The following EXT1 variants were observed in gnomAD, a reference collection of about 807,000 sequenced individuals.
The protein encoded by EXT1 is exostosin glycosyltransferase 1, also known as exostosin-1.
A neutral mutation model predicts 82.5 loss-of-function variants in EXT1; 20 were observed. That is an observed-to-expected ratio of 0.24 (90% CI 0.17 to 0.35). The LOEUF (loss-of-function observed/expected upper bound fraction) is 0.35, where lower values mean the gene tolerates loss of function less well. Ranked by LOEUF, EXT1 falls within the 10% of genes least tolerant of loss-of-function variation. EXT1 has a pLI of 1.00. For synonymous variants in EXT1, 348 were observed against 350.8 expected (o/e 0.99, Z 0.09); for missense variants, 757 against 936.5 (o/e 0.81, Z 2.50).
At chr8:117,892,358 C>T (rs1194912167) in intron 1 of EXT1, among the ~76,000 whole-genome samples, 2 of 152,238 alleles carry the variant, frequency 1.3e-5, no homozygotes, top group African/African-American at 2.4e-5. Context: ...GGATTCTTGC[C>T]AGCAAAAGCC....
intron 1 of EXT1, among the ~76,000 whole-genome samples, chr8:117,902,202 T>C (rs987530773): frequency 2.0e-5 from 3 of 151,988 alleles, no homozygotes; most frequent in East Asian, 1.9e-4. Flanking sequence ...CAACAATGCC[T>C]TCTTCTGAAA....
intron 1 of EXT1, among the ~76,000 whole-genome samples, chr8:117,972,099 G>A (rs1212269052): frequency 6.7e-6 from 1 of 148,672 alleles, no homozygotes; most frequent in Non-Finnish European, 1.5e-5. Flanking sequence ...GCGGTGAGCC[G>A]AGATTGTGCC....
intron 1 of EXT1, among the ~76,000 whole-genome samples, chr8:117,839,855 C>A (rs1247035122): frequency 6.6e-6 from 1 of 152,192 alleles, no homozygotes; most frequent in Non-Finnish European, 1.5e-5. Flanking sequence ...CCCATTTCAA[C>A]AGATAGAGTC....
At chr8:117,823,464 A>G (rs1232198097) in intron 4 of EXT1, among the ~76,000 whole-genome samples, 1 of 152,032 alleles carries the variant, frequency 6.6e-6, no homozygotes, top group Non-Finnish European at 1.5e-5. Flanking sequence ...CAAATAATTA[A>G]CTTGGTACAG....
chr8:118,036,679 T>A (rs1489285603), intron 1 of EXT1, among the ~76,000 whole-genome samples: 2 of 152,152 alleles, frequency 1.3e-5, no homozygotes, highest in East Asian at 3.9e-4. Context: ...ATGTACACAT[T>A]TAGTAAGGTC....
intron 1 of EXT1, among the ~76,000 whole-genome samples, chr8:118,083,753 C>T (rs1006067409): frequency 5.3e-5 from 8 of 152,086 alleles, no homozygotes; most frequent in East Asian, 1.9e-4. Context: ...GGAGGCGGGG[C>T]GCAGTAGCTC....
At chr8:117,933,356 C>G (rs759837945) in intron 1 of EXT1, among the ~76,000 whole-genome samples, 21 of 151,840 alleles carry the variant, frequency 1.4e-4, no homozygotes, top group Non-Finnish European at 2.5e-4. Context: ...AAGCAATTCT[C>G]CTGTCTCAGC....
chr8:117,798,252 G>A lies in EXT1; in HGVS notation c.*1460C>T, dbSNP rs1823113110. On this transcript the variant is annotated 3_prime_UTR_variant, in exon 11 of 11. Coordinates refer to ENST00000378204, the MANE Select transcript of EXT1 (RefSeq NM_000127.3). ...AATATGAAATGTATGAGAGTTTGAG[G>A]GAGGGACTCTAAAGTGCTTATTGTT... 1 of 152,116 alleles carries A rather than the reference G, an allele frequency of 6.6e-6. No homozygotes were observed. Among genetic ancestry groups the A allele is most frequent in the South Asian group, 2.1e-4 (1 of 4,826 alleles). The allele number at this position is 152,116 out of a possible 1,614,324, so 9.4% of individuals were successfully genotyped here.
chr8:117,856,850 A>G (rs1331945394), intron 1 of EXT1, among the ~76,000 whole-genome samples: 1 of 152,180 alleles, frequency 6.6e-6, no homozygotes, highest in African/African-American at 2.4e-5. Flanking sequence ...ACAGAAATCA[A>G]TGACTGGTGT....
intron 1 of EXT1, among the ~76,000 whole-genome samples, chr8:118,011,258 TCCAGAATGGAAG>T (rs898626941): frequency 4.1e-4 from 62 of 152,254 alleles, no homozygotes; most frequent in African/African-American, 1.3e-3. Flanking sequence ...GACTTCCCGG[TCCAGAATGGAAG>T]CTACAAAGAG....
At chr8:117,972,821 C>T (rs576449890) in intron 1 of EXT1, among the ~76,000 whole-genome samples, 2 of 152,234 alleles carry the variant, frequency 1.3e-5, no homozygotes, top group African/African-American at 4.8e-5. Context: ...CTTATAAAAC[C>T]ATCAGATCTC....
At chr8:117,866,793 CAAAAAAAA>C (rs10709657) in intron 1 of EXT1, among the ~76,000 whole-genome samples, 8 of 91,848 alleles carry the variant, frequency 8.7e-5, no homozygotes, top group African/African-American at 3.0e-4. Context: ...CTGGCCTACC[CAAAAAAAA>C]AAAAAAAAAA....
chr8:118,067,447 C>T (rs1346931987), intron 1 of EXT1, among the ~76,000 whole-genome samples: 1 of 152,214 alleles, frequency 6.6e-6, no homozygotes, highest in Admixed American at 6.5e-5. Context: ...CTATAGCATT[C>T]ACTGGATGAC....
At chr8:117,842,487 C>A (rs1325425688) in intron 1 of EXT1, among the ~76,000 whole-genome samples, 3 of 152,200 alleles carry the variant, frequency 2.0e-5, no homozygotes, top group African/African-American at 7.2e-5. Flanking sequence ...CCCAGCAAAT[C>A]ATTCAACTTC....
intron 10 of EXT1, among the ~76,000 whole-genome samples, chr8:117,800,837 T>C (rs1380915580): frequency 6.6e-6 from 1 of 152,208 alleles, no homozygotes; most frequent in Non-Finnish European, 1.5e-5. Context: ...ATGATTGGCA[T>C]TGATTTAAAA....
intron 1 of EXT1, among the ~76,000 whole-genome samples, chr8:117,860,778 C>T (rs1046773384): frequency 2.2e-4 from 33 of 152,188 alleles, no homozygotes; most frequent in African/African-American, 7.2e-4. Flanking sequence ...GCTGTACTCC[C>T]TCACGGCAAA....
chr8:117,926,098 A>G (rs1286383951), intron 1 of EXT1, among the ~76,000 whole-genome samples: 1 of 152,248 alleles, frequency 6.6e-6, no homozygotes, highest in Non-Finnish European at 1.5e-5. Flanking sequence ...GCTAGCCGCT[A>G]GCATGGTGAT....
At chr8:117,905,579 G>A (rs576422877) in intron 1 of EXT1, among the ~76,000 whole-genome samples, 5 of 152,310 alleles carry the variant, frequency 3.3e-5, no homozygotes, top group African/African-American at 4.8e-5. Flanking sequence ...TTGGGAGGCC[G>A]AGGCGGGTGG....
intron 1 of EXT1, among the ~76,000 whole-genome samples, chr8:118,059,601 T>C (rs1816851905): frequency 6.6e-6 from 1 of 152,240 alleles, no homozygotes; most frequent in South Asian, 2.1e-4. Context: ...CAGCAGCTTT[T>C]GGAATGTTTC....
Sources: gnomAD v4.1 joint callset for allele counts (sites outside exome capture counted in the v4.1 genomes callset) on GRCh38, gnomAD v4.1.1 for gene constraint, MANE v1.5 for transcripts, NCBI Gene and HGNC (gene_info 2026-07-23, HGNC 2026-07-21) for gene names.